HERC2: variants seen among roughly 807,000 people sequenced by gnomAD.
HERC2 encodes HECT and RLD domain containing E3 ubiquitin protein ligase 2.
HERC2 carries 102 observed loss-of-function variants against 537.7 expected under a neutral mutation model. That is an observed-to-expected ratio of 0.19 (90% CI 0.16 to 0.22). The LOEUF (loss-of-function observed/expected upper bound fraction) is 0.22, where lower values mean the gene tolerates loss of function less well. HERC2 is among the 10% of genes least tolerant of loss of function. HERC2 has a pLI of 1.00. For missense variants in HERC2, 4,236 were observed against 6,198.2 expected, an observed-to-expected ratio of 0.68 and a Z score of 10.63; for synonymous variants, 2,224 against 2,466.2, an observed-to-expected ratio of 0.90 and a Z score of 2.91.
intron 69 of HERC2, among the ~76,000 whole-genome samples, chr15:28,157,513 T>C (rs1893132411): frequency 6.6e-6 from 1 of 152,244 alleles, no homozygotes; most frequent in Non-Finnish European, 1.5e-5. Context: ...TTCTTCTAGA[T>C]TTTCTAGTTT....
intron 7 of HERC2, among the ~76,000 whole-genome samples, chr15:28,273,723 T>C (rs969710989): frequency 9.2e-5 from 14 of 152,000 alleles, no homozygotes; most frequent in African/African-American, 2.9e-4. Flanking sequence ...GAGTGAGGAG[T>C]GGCCTCACTT....
chr15:28,187,503 T>C (rs1896425717), intron 55 of HERC2, among the ~76,000 whole-genome samples: 2 of 152,138 alleles, frequency 1.3e-5, no homozygotes, highest in South Asian at 2.1e-4. Context: ...GGCTAATTTT[T>C]TGTATTTTTA....
At chr15:28,115,611 A>C in intron 88 of HERC2, 70 bp from the exon 89 acceptor site, 1 of 1,056,116 alleles carries the variant, frequency 9.5e-7, no homozygotes, top group Non-Finnish European at 1.4e-6. Flanking sequence ...TCACTCACAC[A>C]CGCCACTGAC....
At chr15:28,228,128 TTAAA>T in intron 35 of HERC2, 86 bp downstream of exon 35, 1 of 1,122,704 alleles carries the variant, frequency 8.9e-7, no homozygotes, top group Non-Finnish European at 1.3e-6. Context: ...ACAAAAAGCT[TTAAA>T]AAAAAAAAAA....
chr15:28,120,756 C>T (rs1268207931), intron 86 of HERC2, among the ~76,000 whole-genome samples: 1 of 152,158 alleles, frequency 6.6e-6, no homozygotes, highest in African/African-American at 2.4e-5. Flanking sequence ...GCCTCTGACC[C>T]ACTCCACTTC....
chr15:28,134,964 C>G (rs147131648), intron 79 of HERC2, among the ~76,000 whole-genome samples: 2 of 152,124 alleles, frequency 1.3e-5, no homozygotes, highest in African/African-American at 2.4e-5. Flanking sequence ...TGAGCCACCA[C>G]GCCGGACCTG....
intron 81 of HERC2, 148 bp downstream of exon 81, chr15:28,131,952 G>A (rs1890151725): frequency 5.1e-6 from 3 of 590,166 alleles, no homozygotes; most frequent in East Asian, 6.1e-5. Context: ...TTACTGGAAC[G>A]AAGGTAAAGA....
At position 28,269,456 on chromosome 15, in the gene HERC2, A is replaced by G; in HGVS notation, c.1258-20T>C. The G allele has an allele frequency of 1.3e-6, 2 of 1,577,040 alleles. No individual in the cohort carries two copies. Among genetic ancestry groups the G allele is most frequent in the Non-Finnish European group, 1.7e-6 (2 of 1,149,922 alleles). ...TGATCCCTGTAAGATAAGAAAGTAA[A>G]CATTTCCTTTAACAACAACAACAAT... On this transcript the variant is annotated intron_variant, in intron 10 of 92. Coordinates refer to ENST00000261609, the MANE Select transcript of HERC2 (RefSeq NM_004667.6).
At chr15:28,267,282 G>A (rs1209511496) in intron 12 of HERC2, among the ~76,000 whole-genome samples, 1 of 152,112 alleles carries the variant, frequency 6.6e-6, no homozygotes. Flanking sequence ...TTCCCCAAAA[G>A]GTTATCTCCA....
chr15:28,314,277 T>C (rs1336565955), intron 2 of HERC2, among the ~76,000 whole-genome samples: 3 of 151,460 alleles, frequency 2.0e-5, no homozygotes, highest in Non-Finnish European at 4.4e-5. Flanking sequence ...AACAGAAATA[T>C]AAAGACTTCT....
chr15:28,137,321 T>C (rs1338987185), intron 78 of HERC2, among the ~76,000 whole-genome samples: 3 of 152,202 alleles, frequency 2.0e-5, no homozygotes, highest in East Asian at 1.9e-4. Flanking sequence ...TCTAAATATG[T>C]GTGCTCCTGT....
chr15:28,245,591 A>T (rs1903606902), intron 23 of HERC2, among the ~76,000 whole-genome samples: 1 of 150,938 alleles, frequency 6.6e-6, no homozygotes, highest in South Asian at 2.1e-4. Context: ...ACACACACAC[A>T]CACACACACA....
rs1219983136 is a variant in HERC2 at position 28,260,769 on chromosome 15, T to C, written c.2316+8A>G. ...CCAAAATACCAAATCAAGCTCTATA[T>C]TCAGTACCTGGGCAGGCCCACAGGC... On this transcript the variant is annotated splice_region_variant and intron_variant, in intron 16 of 92. Transcript: ENST00000261609. The C allele has an allele frequency of 4.3e-6, 7 of 1,612,020 alleles. No homozygotes were observed. The highest frequency in any genetic ancestry group is 5.1e-6 in the Non-Finnish European group (6 of 1,178,514).
chr15:28,289,631 C>T (rs117325217), intron 4 of HERC2, among the ~76,000 whole-genome samples: 3,656 of 152,230 alleles, frequency 0.024, 72 homozygotes, highest in Middle Eastern at 0.054. Context: ...GACTGGTATT[C>T]GCTAAGAGAA....
At chr15:28,217,510 C>T (rs539122573) in intron 38 of HERC2, among the ~76,000 whole-genome samples, 25 of 152,308 alleles carry the variant, frequency 1.6e-4, no homozygotes, top group Non-Finnish European at 3.2e-4. Flanking sequence ...CATACCCACC[C>T]ACACTCACAT....
chr15:28,274,590 T>C (rs1325158707), intron 6 of HERC2, 143 bp from the exon 7 acceptor site: 32 of 826,302 alleles, frequency 3.9e-5, no homozygotes, highest in Non-Finnish European at 4.1e-5. Context: ...GCTGCTCCAG[T>C]CAATTCTGTG....
At chr15:28,247,822 A>C (rs541395544) in intron 21 of HERC2, among the ~76,000 whole-genome samples, 6 of 152,324 alleles carry the variant, frequency 3.9e-5, no homozygotes, top group Admixed American at 1.3e-4. Flanking sequence ...TGAAACCTGA[A>C]AGTTTCCATT....
intron 4 of HERC2, among the ~76,000 whole-genome samples, chr15:28,292,097 C>T (rs1386152790): frequency 6.7e-6 from 1 of 150,114 alleles, no homozygotes; most frequent in African/African-American, 2.5e-5. Flanking sequence ...GGCATGGTGG[C>T]GGACACCTGT....
chr15:28,294,667 T>A (rs761550762), intron 3 of HERC2, among the ~76,000 whole-genome samples: 3 of 151,782 alleles, frequency 2.0e-5, no homozygotes, highest in African/African-American at 4.8e-5. Flanking sequence ...AGTCACATCT[T>A]CCCATGGGAA....
Sources: gnomAD v4.1 joint callset for allele counts (sites outside exome capture counted in the v4.1 genomes callset) on GRCh38, gnomAD v4.1.1 for gene constraint, MANE v1.5 for transcripts, NCBI Gene and HGNC (gene_info 2026-07-23, HGNC 2026-07-21) for gene names.